The following MTX2 variants were observed in gnomAD, a reference collection of about 807,000 sequenced individuals.
MTX2 encodes metaxin 2, also known as metaxin-2.
In MTX2, 35 loss-of-function variants were observed where a neutral mutation model predicts 42.3. That is an observed-to-expected ratio of 0.83 (90% CI 0.63 to 1.10). MTX2 has a LOEUF of 1.10. Among genes scored for constraint, MTX2 ranks in the 50% least tolerant of loss-of-function variants. The probability of loss-of-function intolerance (pLI) is 0.00; values close to 1 mark genes in which losing one functional copy is unlikely to be tolerated. For missense variants in MTX2, 307 were observed against 304.1 expected (o/e 1.01, Z -0.07); for synonymous variants, 119 against 100.9 (o/e 1.18, Z -1.08).
intron 2 of MTX2, among the ~76,000 whole-genome samples, chr2:176,297,429 C>T (rs1375909293): frequency 6.6e-6 from 1 of 152,094 alleles, no homozygotes; most frequent in African/African-American, 2.4e-5. Context: ...TTTTTATTGC[C>T]ACGAACTTGT....
At chr2:176,287,585 CTGTA>C (rs1478665623) in intron 1 of MTX2, among the ~76,000 whole-genome samples, 2 of 152,104 alleles carry the variant, frequency 1.3e-5, no homozygotes, top group African/African-American at 4.8e-5. Context: ...GATACTCAAC[CTGTA>C]TGTAACAAGC....
chr2:176,277,476 C>T (rs1692975195), intron 1 of MTX2, among the ~76,000 whole-genome samples: 1 of 152,188 alleles, frequency 6.6e-6, no homozygotes, highest in Non-Finnish European at 1.5e-5. Context: ...AATCTTGGCT[C>T]ACTGCAACCT....
chr2:176,290,268 A>G (rs1005561452), intron 1 of MTX2, among the ~76,000 whole-genome samples: 1 of 152,074 alleles, frequency 6.6e-6, no homozygotes, highest in African/African-American at 2.4e-5. Context: ...TACAAGGGTC[A>G]TGTTAGGGAG....
chr2:176,326,188 A>C (rs1684700902), intron 4 of MTX2, among the ~76,000 whole-genome samples: 1 of 151,812 alleles, frequency 6.6e-6, no homozygotes, highest in Non-Finnish European at 1.5e-5. Flanking sequence ...TATCTATAGA[A>C]GCTAGTTTTT....
At chr2:176,297,953 G>T in intron 3 of MTX2, 58 bp downstream of exon 3, 1 of 1,316,862 alleles carries the variant, frequency 7.6e-7, no homozygotes, top group Non-Finnish European at 1.0e-6. Context: ...GCATCATTTT[G>T]ACTTGCAGTT....
At chr2:176,277,592 G>A (rs1558923082) in intron 1 of MTX2, among the ~76,000 whole-genome samples, 1 of 152,002 alleles carries the variant, frequency 6.6e-6, no homozygotes, top group Admixed American at 6.6e-5. Flanking sequence ...AGTAGAGACC[G>A]GGTTTCTCCA....
intron 9 of MTX2, among the ~76,000 whole-genome samples, chr2:176,333,833 G>T (rs1298124843): frequency 6.6e-6 from 1 of 151,628 alleles, no homozygotes; most frequent in Non-Finnish European, 1.5e-5. Context: ...GCAATGTGCT[G>T]TATAGGTTTG....
Position 176,329,410 on chromosome 2 carries a change from A to G in MTX2, c.527A>G (p.Lys176Arg). The change falls in exon 8 of 10, where the codon AAG becomes AGG. Residue 176 changes from lysine to arginine, a missense_variant. Coordinates refer to ENST00000249442, the MANE Select transcript of MTX2 (RefSeq NM_006554.5). ...AAGATGAAAGCTATTGGATGGGGAA[A>G]GAAGACTCTGGACCAGGTCAGTTCA... ...KRKMKAIGWGKKTLDQVLEDV... is the reference protein window; with the variant it reads ...KRKMKAIGWGRKTLDQVLEDV... 3.1e-6 allele frequency: 5 copies of G among 1,607,044 alleles called. No homozygotes were observed. The South Asian group carries it at 4.4e-5, about 14-fold the overall frequency.
Position 176,329,423 on chromosome 2 carries a change from C to T in MTX2, c.540C>T (p.Asp180=), listed in dbSNP as rs199730223. The change falls in exon 8 of 10, where the codon GAC becomes GAT. Residue 180 remains aspartate, a synonymous_variant. Transcript: ENST00000249442. ...TTGGATGGGGAAAGAAGACTCTGGA[C>T]CAGGTCAGTTCAGGTTGAAGTTGAC... The part of the protein sequence containing the change: ...KAIGWGKKTL[D]QVLEDVDQCC... 1 of 1,605,480 alleles carries T rather than the reference C, an allele frequency of 6.2e-7. No homozygotes were observed. Among genetic ancestry groups the T allele is most frequent in the East Asian group, 2.2e-5 (1 of 44,530 alleles).
intron 1 of MTX2, among the ~76,000 whole-genome samples, chr2:176,294,002 T>C (rs928031153): frequency 2.0e-5 from 3 of 152,214 alleles, no homozygotes; most frequent in African/African-American, 7.2e-5. Flanking sequence ...CTATTTGTGA[T>C]GAAAACACTG....
At chr2:176,284,989 GGAAGAGTT>G (rs1224612735) in intron 1 of MTX2, among the ~76,000 whole-genome samples, 1 of 152,136 alleles carries the variant, frequency 6.6e-6, no homozygotes, top group African/African-American at 2.4e-5. Context: ...CAAGTGTACA[GGAAGAGTT>G]GAGAACTACT....
At chr2:176,307,901 G>T (rs1324440307) in intron 3 of MTX2, among the ~76,000 whole-genome samples, 1 of 152,118 alleles carries the variant, frequency 6.6e-6, no homozygotes, top group Non-Finnish European at 1.5e-5. Flanking sequence ...TCCTTCTCTT[G>T]CCTGATTGAC....
At chr2:176,334,486 C>G (rs1684941248) in intron 9 of MTX2, among the ~76,000 whole-genome samples, 2 of 151,764 alleles carry the variant, frequency 1.3e-5, no homozygotes, top group East Asian at 3.9e-4. Flanking sequence ...TGGTTTTTTG[C>G]AGGGATCTAT....
chr2:176,302,088 T>C (rs1684037237), intron 3 of MTX2, among the ~76,000 whole-genome samples: 1 of 151,936 alleles, frequency 6.6e-6, no homozygotes, highest in Admixed American at 6.6e-5. Flanking sequence ...AGAAAGAATT[T>C]CGCTTCATGT....
At chr2:176,290,748 G>GTTTTTTTT (rs575119364) in intron 1 of MTX2, among the ~76,000 whole-genome samples, 1 of 134,436 alleles carries the variant, frequency 7.4e-6, no homozygotes. Flanking sequence ...GGAATAACTA[G>GTTTTTTTT]TTTTTTTTTT....
chr2:176,322,216 T>A (rs914437369), intron 3 of MTX2, among the ~76,000 whole-genome samples: 1 of 152,144 alleles, frequency 6.6e-6, no homozygotes, highest in Non-Finnish European at 1.5e-5. Context: ...GAGTTCTTTG[T>A]ACAAGATATT....
chr2:176,303,315 C>T (rs941554796), intron 3 of MTX2, among the ~76,000 whole-genome samples: 1 of 151,948 alleles, frequency 6.6e-6, no homozygotes, highest in Non-Finnish European at 1.5e-5. Flanking sequence ...TTTGATCATC[C>T]TCTGTCAGAT....
At chr2:176,329,895 A>ATCTATCTG (rs1221470908) in intron 8 of MTX2, among the ~76,000 whole-genome samples, 1 of 125,140 alleles carries the variant, frequency 8.0e-6, no homozygotes, top group Non-Finnish European at 1.7e-5. Flanking sequence ...CTGTCTGTCT[A>ATCTATCTG]TCTATCTGTC....
chr2:176,284,923 T>G (rs1356548463), intron 1 of MTX2, among the ~76,000 whole-genome samples: 1 of 152,224 alleles, frequency 6.6e-6, no homozygotes, highest in Non-Finnish European at 1.5e-5. Flanking sequence ...TTGGTCCTCA[T>G]CTCTACAGTA....
Sources: gnomAD v4.1 joint callset for allele counts (sites outside exome capture counted in the v4.1 genomes callset) on GRCh38, gnomAD v4.1.1 for gene constraint, MANE v1.5 for transcripts, NCBI Gene and HGNC (gene_info 2026-07-23, HGNC 2026-07-21) for gene names.